MAML2: variants seen among roughly 807,000 people sequenced by gnomAD.
MAML2 encodes mastermind-like protein 2.
In MAML2, 22 loss-of-function variants were observed where a neutral mutation model predicts 96.1. That is an observed-to-expected ratio of 0.23 (90% CI 0.16 to 0.33). MAML2 has a LOEUF of 0.33. Ranked by LOEUF, MAML2 falls within the 10% of genes least tolerant of loss-of-function variation. The probability of loss-of-function intolerance (pLI) is 1.00; values close to 1 mark genes in which losing one functional copy is unlikely to be tolerated. For missense variants in MAML2, 1,367 were observed against 1,392.4 expected, an observed-to-expected ratio of 0.98 and a Z score of 0.29; for synonymous variants, 561 against 521.3, an observed-to-expected ratio of 1.08 and a Z score of -1.04.
chr11:95,981,585 T>A (rs547466088), intron 4 of MAML2, among the ~76,000 whole-genome samples: 1 of 152,226 alleles, frequency 6.6e-6, no homozygotes, highest in Non-Finnish European at 1.5e-5. Context: ...GTAGCTTTGC[T>A]ATTTATTTAT....
At chr11:96,170,441 G>C (rs568870688) in intron 1 of MAML2, among the ~76,000 whole-genome samples, 16 of 152,296 alleles carry the variant, frequency 1.1e-4, no homozygotes, top group African/African-American at 3.9e-4. Flanking sequence ...CTCTCAGTGA[G>C]TTTATTCAGT....
In MAML2 at chr11:96,023,047, G is replaced by C. The variant is rs375726204; in HGVS notation, c.2140-31324C>G. On this transcript the variant is annotated intron_variant, in intron 2 of 4. Transcript: ENST00000524717. Reference sequence around the variant, plus strand: ...CAGGGGATCCCCAAGACTGGGGCTGGGTAGAGCTGAGCAAGATTCAGTGAG... The same window carrying C: ...CAGGGGATCCCCAAGACTGGGGCTGCGTAGAGCTGAGCAAGATTCAGTGAG... Among the ~76,000 whole-genome samples, 60 of 152,328 alleles carry C rather than the reference G, an allele frequency of 3.9e-4. No individual in the cohort carries two copies. The East Asian group carries it at 9.1e-3, about 23-fold the overall frequency.
intron 1 of MAML2, among the ~76,000 whole-genome samples, chr11:96,280,065 G>T (rs984347499): frequency 6.6e-6 from 1 of 152,096 alleles, no homozygotes; most frequent in Non-Finnish European, 1.5e-5. Context: ...TAGAGATATA[G>T]CTCTACACAG....
At chr11:96,124,356 C>T (rs1860402985) in intron 1 of MAML2, among the ~76,000 whole-genome samples, 1 of 152,058 alleles carries the variant, frequency 6.6e-6, no homozygotes, top group Non-Finnish European at 1.5e-5. Flanking sequence ...GTGTGTTAGC[C>T]AGTAATTACG....
chr11:96,318,954 C>A (rs900584530), intron 1 of MAML2, among the ~76,000 whole-genome samples: 3 of 152,204 alleles, frequency 2.0e-5, no homozygotes, highest in Non-Finnish European at 2.9e-5. Context: ...CCCTGGTACT[C>A]ATATCCTGTG....
intron 2 of MAML2, among the ~76,000 whole-genome samples, chr11:96,084,411 G>A (rs1859574528): frequency 6.6e-6 from 1 of 152,148 alleles, no homozygotes; most frequent in South Asian, 2.1e-4. Context: ...AGGCAAGCAG[G>A]AACAATGGTC....
intron 2 of MAML2, among the ~76,000 whole-genome samples, chr11:96,042,506 C>T (rs530020485): frequency 2.1e-4 from 31 of 150,716 alleles, no homozygotes; most frequent in Non-Finnish European, 2.8e-4. Context: ...CAAACCCATA[C>T]GTAACCATGT....
In MAML2 at chr11:96,231,130, T is replaced by C. The variant is rs141250245; in HGVS notation, c.513+110253A>G. Among the ~76,000 whole-genome samples, 302 of 152,334 alleles carry C rather than the reference T, an allele frequency of 2.0e-3. 1 individual carries two copies. Among genetic ancestry groups the C allele is most frequent in the Middle Eastern group, 6.8e-3 (2 of 294 alleles). The stretch of plus-strand genomic sequence containing the variant: ...ATAATTTATAAGAAAAAATCATATA[T>C]AGGGGGTTTTAATAAATATATTTCT... On this transcript the variant is annotated intron_variant, in intron 1 of 4. Transcript: ENST00000524717.
rs1426485625 is a variant in MAML2 at position 96,008,348 on chromosome 11, TC to T, written c.2140-16626del. 2.0e-5 allele frequency among the ~76,000 whole-genome samples: 3 copies of T among 152,310 alleles called. No individual in the cohort carries two copies. The East Asian group carries it at 5.8e-4, about 29-fold the overall frequency. On this transcript the variant is annotated intron_variant, in intron 2 of 4. Coordinates refer to ENST00000524717, the MANE Select transcript of MAML2 (RefSeq NM_032427.4). ...TGTGGCTTATGTTCCTCACTGCTGA[TC>T]AGGAGAGAATGCAGGAAGGGAGACT...
At chr11:96,153,412 C>A (rs1860958316) in intron 1 of MAML2, among the ~76,000 whole-genome samples, 1 of 152,190 alleles carries the variant, frequency 6.6e-6, no homozygotes, top group African/African-American at 2.4e-5. Context: ...GTTATTGTAA[C>A]ATTCTGCCTA....
At chr11:96,016,039 A>G (rs1206166618) in intron 2 of MAML2, among the ~76,000 whole-genome samples, 1 of 152,160 alleles carries the variant, frequency 6.6e-6, no homozygotes, top group Non-Finnish European at 1.5e-5. Context: ...GGGCATCATC[A>G]GGTCGCTTCT....
In MAML2 at chr11:96,237,351, C is replaced by T. The variant is rs144602920; in HGVS notation, c.513+104032G>A. Reference sequence around the variant, plus strand: ...TGAAAGTCTTCCTGGATGACCTCAGCCCATGTTGATCTCTACCTTCCTTAA... The same window carrying T: ...TGAAAGTCTTCCTGGATGACCTCAGTCCATGTTGATCTCTACCTTCCTTAA... On this transcript the variant is annotated intron_variant, in intron 1 of 4. Transcript: ENST00000524717. Among the ~76,000 whole-genome samples, 2,019 of 152,278 alleles carry T rather than the reference C, an allele frequency of 0.013. 97 individuals carry two copies. The South Asian group carries it at 0.16, about 12-fold the overall frequency.
At position 96,343,126 on chromosome 11, in the gene MAML2, C is replaced by T. The variant is rs577634145; in HGVS notation, c.-1231G>A. Reference sequence around the variant, plus strand: ...TAGCCGCTTTGCTGACACTGGCTCGCGCCCGGAGTCACGGCGATACACAGG... The same window carrying T: ...TAGCCGCTTTGCTGACACTGGCTCGTGCCCGGAGTCACGGCGATACACAGG... On this transcript the variant is annotated 5_prime_UTR_variant, in exon 1 of 5. Coordinates refer to ENST00000524717, the MANE Select transcript of MAML2 (RefSeq NM_032427.4). The T allele has an allele frequency of 6.5e-5, 26 of 398,430 alleles. No individual in the cohort carries two copies. The highest frequency in any genetic ancestry group is 4.7e-4 in the African/African-American group (23 of 48,674). The allele number at this position is 398,430 out of a possible 1,614,324, so 24.7% of individuals were successfully genotyped here.
intron 2 of MAML2, among the ~76,000 whole-genome samples, chr11:96,072,338 C>T (rs942848660): frequency 9.2e-5 from 14 of 152,290 alleles, no homozygotes; most frequent in Admixed American, 2.0e-4. Flanking sequence ...TGCTAATACT[C>T]GAATTCTAGA....
chr11:96,070,097 C>A (rs1222855727), intron 2 of MAML2, among the ~76,000 whole-genome samples: 1 of 151,684 alleles, frequency 6.6e-6, no homozygotes, highest in Non-Finnish European at 1.5e-5. Context: ...CGAGACCATC[C>A]TGGCTAACAC....
intron 1 of MAML2, among the ~76,000 whole-genome samples, chr11:96,217,184 T>C (rs1158809466): frequency 1.3e-5 from 2 of 152,226 alleles, no homozygotes; most frequent in South Asian, 2.1e-4. Context: ...TATTTCACAA[T>C]TGATCAATTT....
chr11:96,241,851 A>G (rs1473973829), intron 1 of MAML2, among the ~76,000 whole-genome samples: 1 of 152,194 alleles, frequency 6.6e-6, no homozygotes, highest in African/African-American at 2.4e-5. Flanking sequence ...GAAAATATCT[A>G]AGTATCGTTC....
rs7129577 is a variant in MAML2 at position 96,327,964 on chromosome 11, C to T, written c.513+13419G>A. On this transcript the variant is annotated intron_variant, in intron 1 of 4. Coordinates refer to ENST00000524717, the MANE Select transcript of MAML2 (RefSeq NM_032427.4). Reference sequence around the variant, plus strand: ...TCCAAAAATTAGCCAGGCGTGGTGGCGCACACCTGTGGTCCCAGCTACTCG... The same window carrying T: ...TCCAAAAATTAGCCAGGCGTGGTGGTGCACACCTGTGGTCCCAGCTACTCG... Among the ~76,000 whole-genome samples the T allele has an allele frequency of 2.9e-3, 445 of 151,956 alleles. 1 individual carries two copies. The highest frequency in any genetic ancestry group is 4.0e-3 in the Non-Finnish European group (275 of 67,974).
intron 2 of MAML2, among the ~76,000 whole-genome samples, chr11:96,043,890 G>T (rs1207402478): frequency 6.6e-6 from 1 of 152,178 alleles, no homozygotes; most frequent in African/African-American, 2.4e-5. Flanking sequence ...CAAAGAAAGG[G>T]TTCCCTAAGT....
Sources: allele counts gnomAD v4.1 joint callset (sites outside exome capture counted in the v4.1 genomes callset), GRCh38; gene constraint gnomAD v4.1.1; transcripts MANE v1.5; gene names NCBI Gene and HGNC (gene_info 2026-07-23, HGNC 2026-07-21).